Variants in NR3C2 observed in about 807,000 individuals in gnomAD.
NR3C2 encodes the protein nuclear receptor subfamily 3 group C member 2, also known as mineralocorticoid receptor.
In NR3C2, 15 loss-of-function variants were observed where a neutral mutation model predicts 86.4. The observed-to-expected ratio is 0.17, with a 90% confidence interval of 0.12 to 0.27. NR3C2 has a LOEUF of 0.27. NR3C2 is among the 10% of genes least tolerant of loss of function. NR3C2 has a pLI of 1.00. For missense variants in NR3C2, 960 were observed against 1,195.6 expected, an observed-to-expected ratio of 0.80 and a Z score of 2.91; for synonymous variants, 458 against 450.5, an observed-to-expected ratio of 1.02 and a Z score of -0.21.
chr4:148,247,430 C>T (rs1285356279), intron 3 of NR3C2, among the ~76,000 whole-genome samples: 1 of 152,124 alleles, frequency 6.6e-6, no homozygotes, highest in Non-Finnish European at 1.5e-5. Context: ...TAGTGGGCAA[C>T]TTTGTAAAAT....
At chr4:148,092,677 A>G (rs1312905484) in intron 8 of NR3C2, among the ~76,000 whole-genome samples, 2 of 152,184 alleles carry the variant, frequency 1.3e-5, no homozygotes, top group African/African-American at 4.8e-5. Flanking sequence ...GCAAAACTCA[A>G]TACATGAAGC....
At chr4:148,433,907 C>A (rs898873906) in intron 2 of NR3C2, among the ~76,000 whole-genome samples, 1 of 152,122 alleles carries the variant, frequency 6.6e-6, no homozygotes, top group Non-Finnish European at 1.5e-5. Context: ...TTAAATAGTT[C>A]ATGCTGTGGG....
chr4:148,086,512 A>G (rs904951111), intron 8 of NR3C2, among the ~76,000 whole-genome samples: 3 of 152,208 alleles, frequency 2.0e-5, no homozygotes, highest in Non-Finnish European at 4.4e-5. Flanking sequence ...AGGTGGGCGG[A>G]TCACTTGAGG....
chr4:148,310,720 G>C (rs748360820), intron 2 of NR3C2, among the ~76,000 whole-genome samples: 2 of 151,994 alleles, frequency 1.3e-5, no homozygotes, highest in Non-Finnish European at 2.9e-5. Flanking sequence ...TTAATTATTC[G>C]GGTTAATTTC....
At chr4:148,169,040 C>T (rs1406114691) in intron 4 of NR3C2, among the ~76,000 whole-genome samples, 1 of 152,172 alleles carries the variant, frequency 6.6e-6, no homozygotes, top group Non-Finnish European at 1.5e-5. Context: ...TATACCATAA[C>T]ATGTGAATGT....
At chr4:148,411,195 T>C (rs778787671) in intron 2 of NR3C2, among the ~76,000 whole-genome samples, 1 of 144,872 alleles carries the variant, frequency 6.9e-6, no homozygotes, top group Non-Finnish European at 1.5e-5. Context: ...TTCCAAACTA[T>C]TTTTGTTTTG....
At chr4:148,363,435 G>A (rs537004230) in intron 2 of NR3C2, among the ~76,000 whole-genome samples, 5 of 149,588 alleles carry the variant, frequency 3.3e-5, no homozygotes, top group South Asian at 2.1e-4. Context: ...CACAGGCATC[G>A]GGGACAGGAT....
chr4:148,207,070 T>C (rs1221390019), intron 3 of NR3C2, among the ~76,000 whole-genome samples: 1 of 152,080 alleles, frequency 6.6e-6, no homozygotes, highest in East Asian at 1.9e-4. Flanking sequence ...TACAGGTGCA[T>C]GCGCCCATGC....
chr4:148,398,696 G>A (rs1016177445), intron 2 of NR3C2, among the ~76,000 whole-genome samples: 5 of 152,098 alleles, frequency 3.3e-5, no homozygotes, highest in East Asian at 1.9e-4. Flanking sequence ...TGAATGCTCC[G>A]TATGTAAGAC....
chr4:148,335,774 T>G (rs1258917477), intron 2 of NR3C2, among the ~76,000 whole-genome samples: 1 of 151,500 alleles, frequency 6.6e-6, no homozygotes, highest in Non-Finnish European at 1.5e-5. Context: ...AAAAAAAAAC[T>G]TTGTAACCTA....
At chr4:148,174,189 C>T (rs1004812837) in intron 4 of NR3C2, among the ~76,000 whole-genome samples, 8 of 152,290 alleles carry the variant, frequency 5.3e-5, no homozygotes, top group African/African-American at 1.9e-4. Flanking sequence ...TAGTGAGTCT[C>T]AGAGTAAATA....
intron 8 of NR3C2, among the ~76,000 whole-genome samples, chr4:148,100,655 T>G (rs999536515): frequency 6.6e-6 from 1 of 152,280 alleles, no homozygotes; most frequent in South Asian, 2.1e-4. Context: ...TGTGGAAAAG[T>G]TCGGTGTTTC....
At chr4:148,122,840 T>C (rs1393252764) in intron 6 of NR3C2, among the ~76,000 whole-genome samples, 2 of 152,202 alleles carry the variant, frequency 1.3e-5, no homozygotes, top group African/African-American at 4.8e-5. Flanking sequence ...GAAAATTGTG[T>C]TAACTGTACA....
intron 2 of NR3C2, among the ~76,000 whole-genome samples, chr4:148,292,602 T>C (rs1741851788): frequency 6.6e-6 from 1 of 152,124 alleles, no homozygotes; most frequent in African/African-American, 2.4e-5. Flanking sequence ...ATCATTACAG[T>C]ACAAAACAAT....
At chr4:148,425,358 T>C (rs999455008) in intron 2 of NR3C2, among the ~76,000 whole-genome samples, 1 of 152,134 alleles carries the variant, frequency 6.6e-6, no homozygotes, top group Non-Finnish European at 1.5e-5. Flanking sequence ...GGTACTGCTA[T>C]GAAGAGAGAC....
chr4:148,331,577 T>A (rs984396310), intron 2 of NR3C2, among the ~76,000 whole-genome samples: 1 of 152,236 alleles, frequency 6.6e-6, no homozygotes, highest in Non-Finnish European at 1.5e-5. Context: ...AACTTTTTCT[T>A]CTACACTTAT....
chr4:148,237,184 A>G (rs942514476), intron 3 of NR3C2, among the ~76,000 whole-genome samples: 2 of 152,216 alleles, frequency 1.3e-5, no homozygotes, highest in African/African-American at 4.8e-5. Context: ...GGGGGAAAAA[A>G]TCAAATTCTA....
chr4:148,431,027 T>C (rs1040495619), intron 2 of NR3C2, among the ~76,000 whole-genome samples: 2 of 152,190 alleles, frequency 1.3e-5, no homozygotes, highest in African/African-American at 4.8e-5. Flanking sequence ...GTTAGCCCTG[T>C]GTTATGATGC....
intron 2 of NR3C2, among the ~76,000 whole-genome samples, chr4:148,434,630 A>G (rs987321723): frequency 6.6e-6 from 1 of 152,234 alleles, no homozygotes; most frequent in African/African-American, 2.4e-5. Flanking sequence ...TGGGTAACAG[A>G]TACAGGATTC....
Sources: gnomAD v4.1 joint callset for allele counts (sites outside exome capture counted in the v4.1 genomes callset) on GRCh38, gnomAD v4.1.1 for gene constraint, MANE v1.5 for transcripts, NCBI Gene and HGNC (gene_info 2026-07-23, HGNC 2026-07-21) for gene names.